EPB41L2: variants seen among roughly 807,000 people sequenced by gnomAD.
The protein encoded by EPB41L2 is erythrocyte membrane protein band 4.1 like 2.
A neutral mutation model predicts 113.0 loss-of-function variants in EPB41L2; 43 were observed. The ratio of observed to expected loss-of-function variants is 0.38; its 90% CI spans 0.30 to 0.49. The LOEUF (loss-of-function observed/expected upper bound fraction) is 0.49. Among genes scored for constraint, EPB41L2 ranks in the 20% least tolerant of loss-of-function variants. EPB41L2 has a pLI of 0.95. For synonymous variants in EPB41L2, 442 were observed against 436.7 expected, an observed-to-expected ratio of 1.01 and a Z score of -0.15; for missense variants, 1,147 against 1,223.4, an observed-to-expected ratio of 0.94 and a Z score of 0.93.
At chr6:130,954,594 A>C (rs1332841745) in intron 3 of EPB41L2, among the ~76,000 whole-genome samples, 1 of 152,226 alleles carries the variant, frequency 6.6e-6, no homozygotes, top group Non-Finnish European at 1.5e-5. Flanking sequence ...GATTGACATA[A>C]AATTATAAGG....
chr6:130,921,373 C>T (rs1309686064), intron 4 of EPB41L2, among the ~76,000 whole-genome samples: 1 of 152,156 alleles, frequency 6.6e-6, no homozygotes, highest in Admixed American at 6.5e-5. Context: ...TAGCACTCCC[C>T]ACAAAGTCAT....
chr6:130,977,041 G>A (rs952438786), intron 1 of EPB41L2, among the ~76,000 whole-genome samples: 6 of 152,182 alleles, frequency 3.9e-5, no homozygotes, highest in South Asian at 2.1e-4. Flanking sequence ...CAAAGAAAGC[G>A]TTATAAAGCT....
intron 1 of EPB41L2, among the ~76,000 whole-genome samples, chr6:131,044,870 TTTATTA>T (rs990520202): frequency 3.7e-4 from 57 of 152,268 alleles, no homozygotes; most frequent in African/African-American, 1.2e-3. Flanking sequence ...TGACTGGAAT[TTTATTA>T]TTATTAAGTA....
At chr6:130,896,436 C>T (rs1417790564) in intron 8 of EPB41L2, among the ~76,000 whole-genome samples, 3 of 152,192 alleles carry the variant, frequency 2.0e-5, no homozygotes, top group Non-Finnish European at 4.4e-5. Flanking sequence ...ACCATCACTG[C>T]CCATGGCCAC....
At chr6:131,058,474 A>G (rs1037305213) in intron 1 of EPB41L2, among the ~76,000 whole-genome samples, 2 of 152,180 alleles carry the variant, frequency 1.3e-5, no homozygotes, top group Non-Finnish European at 2.9e-5. Flanking sequence ...AAAAGCAAAT[A>G]AACATTACCG....
In EPB41L2 at chr6:130,956,507, CAAAACA is replaced by C. The variant is rs1562586399; in HGVS notation, c.-14-14_-14-9del. 7 of 1,570,202 alleles carry C rather than the reference CAAAACA, an allele frequency of 4.5e-6. No homozygotes were observed. The highest frequency in any genetic ancestry group is 6.0e-6 in the Non-Finnish European group (7 of 1,162,142). On this transcript the variant is annotated splice_polypyrimidine_tract_variant and intron_variant, in intron 1 of 19. Coordinates refer to ENST00000337057, the MANE Select transcript of EPB41L2 (RefSeq NM_001431.4). The stretch of plus-strand genomic sequence containing the variant: ...TCATGGCCACAGCTTATGCTGTAAT[CAAAACA>C]AAAATCATAAAATGTCATTTTGTAA...
At position 130,904,464 on chromosome 6, in the gene EPB41L2, C is replaced by G; in HGVS notation, c.929+1G>C. 6.3e-7 allele frequency: 1 copy of G among 1,575,790 alleles called. No homozygotes were observed. The highest frequency in any genetic ancestry group is 8.7e-7 in the Non-Finnish European group (1 of 1,153,328). ...CATTTAAAAATGCAAATATAAAGTACCTGGTGATATCTTCAGTCAATTGAG... is the reference window on the plus strand; with the variant it reads ...CATTTAAAAATGCAAATATAAAGTAGCTGGTGATATCTTCAGTCAATTGAG... On this transcript the variant is annotated splice_donor_variant, in intron 6 of 19. Transcript: ENST00000337057. LOFTEE classifies it high-confidence loss of function.
intron 1 of EPB41L2, among the ~76,000 whole-genome samples, chr6:131,010,847 T>C (rs1233710477): frequency 2.0e-5 from 3 of 152,134 alleles, no homozygotes; most frequent in Non-Finnish European, 2.9e-5. Context: ...CCTGCAGATA[T>C]AGCCAAGACC....
At chr6:130,933,885 T>C (rs1807819944) in intron 3 of EPB41L2, among the ~76,000 whole-genome samples, 1 of 152,116 alleles carries the variant, frequency 6.6e-6, no homozygotes. Flanking sequence ...ACCACTGGCG[T>C]TTTATAAACA....
intron 19 of EPB41L2, among the ~76,000 whole-genome samples, chr6:130,855,551 G>A (rs1008839535): frequency 6.6e-6 from 1 of 152,092 alleles, no homozygotes; most frequent in Non-Finnish European, 1.5e-5. Context: ...CAGGTTGCTA[G>A]ATATAAGATA....
chr6:130,960,664 A>G (rs529659379), intron 1 of EPB41L2, among the ~76,000 whole-genome samples: 1 of 152,354 alleles, frequency 6.6e-6, no homozygotes, highest in East Asian at 1.9e-4. Flanking sequence ...CAAGAGTTCA[A>G]CAGAGCTCAA....
chr6:130,987,889 G>A (rs913758353), intron 1 of EPB41L2, among the ~76,000 whole-genome samples: 5 of 151,760 alleles, frequency 3.3e-5, no homozygotes, highest in Non-Finnish European at 5.9e-5. Context: ...TAAGCAGGAG[G>A]ACTGCTTGAG....
intron 3 of EPB41L2, among the ~76,000 whole-genome samples, chr6:130,951,312 C>CTTTTTTT (rs34082234): frequency 5.9e-5 from 3 of 50,846 alleles, no homozygotes; most frequent in African/African-American, 1.3e-4. Context: ...AGCCTCAGTA[C>CTTTTTTT]TTTTTTTTTT....
At chr6:130,848,921 T>C (rs905873289) in intron 19 of EPB41L2, among the ~76,000 whole-genome samples, 1 of 152,204 alleles carries the variant, frequency 6.6e-6, no homozygotes, top group African/African-American at 2.4e-5. Flanking sequence ...CCTATTTCCT[T>C]ATAAAGAAGG....
At chr6:130,941,864 CAAAAT>C (rs1396450632) in intron 3 of EPB41L2, among the ~76,000 whole-genome samples, 1 of 152,060 alleles carries the variant, frequency 6.6e-6, no homozygotes, top group Non-Finnish European at 1.5e-5. Flanking sequence ...AGAGTCAAAA[CAAAAT>C]AAAAGATAAA....
At position 130,858,160 on chromosome 6, in the gene EPB41L2, C is replaced by T; in HGVS notation, c.2994G>A (p.Glu998=). The change falls in exon 19 of 20, where the codon GAG becomes GAA. Residue 998 remains glutamate, a synonymous_variant. Coordinates refer to ENST00000337057, the MANE Select transcript of EPB41L2 (RefSeq NM_001431.4). ...VTRVVVHKET[E]LAEEGED ...CTTAATCTTCCCCTTCCTCAGCCAACTCTGTTTCTTTGTGTACCACCACTC... is the reference window on the plus strand; with the variant it reads ...CTTAATCTTCCCCTTCCTCAGCCAATTCTGTTTCTTTGTGTACCACCACTC... 3 of 1,614,030 alleles carry T rather than the reference C, an allele frequency of 1.9e-6. No homozygotes were observed. Among genetic ancestry groups the T allele is most frequent in the Non-Finnish European group, 2.5e-6 (3 of 1,179,922 alleles).
chr6:130,846,306 A>C (rs935411594), intron 19 of EPB41L2, among the ~76,000 whole-genome samples: 11 of 152,206 alleles, frequency 7.2e-5, no homozygotes, highest in African/African-American at 2.7e-4. Flanking sequence ...TTAACTTAAT[A>C]AATATTTATA....
chr6:130,876,874 C>A, intron 14 of EPB41L2: 1 of 564,386 alleles, frequency 1.8e-6, no homozygotes, highest in Non-Finnish European at 2.7e-6. Context: ...GGGTCAATGA[C>A]ACACACCAGG....
chr6:130,867,386 G>C, intron 16 of EPB41L2, 73 bp downstream of exon 16: 1 of 1,550,946 alleles, frequency 6.4e-7, no homozygotes, highest in Non-Finnish European at 8.7e-7. Flanking sequence ...TAAACTAAGA[G>C]AAGAAAGAAT....
Sources: gnomAD v4.1 joint callset for allele counts (sites outside exome capture counted in the v4.1 genomes callset) on GRCh38, gnomAD v4.1.1 for gene constraint, MANE v1.5 for transcripts, NCBI Gene and HGNC (gene_info 2026-07-23, HGNC 2026-07-21) for gene names.